Variants in PHACTR2 observed in about 807,000 individuals in gnomAD.
PHACTR2 encodes chromosome 6 open reading frame 56.
Under a neutral mutation model 76.0 loss-of-function variants are expected in PHACTR2, and 30 were observed. That is an observed-to-expected ratio of 0.39 (90% CI 0.30 to 0.54). The LOEUF (loss-of-function observed/expected upper bound fraction) is 0.54. PHACTR2 is among the 20% of genes least tolerant of loss of function. The pLI, the probability that PHACTR2 is intolerant of heterozygous loss-of-function variation, is 0.61. For missense variants in PHACTR2, 696 were observed against 781.1 expected (o/e 0.89, Z 1.30); for synonymous variants, 292 against 292.5 (o/e 1.00, Z 0.02).
intron 2 of PHACTR2, among the ~76,000 whole-genome samples, chr6:143,718,702 C>A (rs946932005): frequency 6.6e-6 from 1 of 152,080 alleles, no homozygotes; most frequent in Admixed American, 6.6e-5. Context: ...CTCTTGTAAC[C>A]ATAGAGACCT....
rs1366946126 is a variant in PHACTR2 at position 143,800,254 on chromosome 6, T to G, written c.1846-6803T>G. ...GCTTGGTAGGTCTTCCTCCATCCCTTTATTTTTTTTATTTTTTATTTTTTT... is the reference window on the plus strand; with the variant it reads ...GCTTGGTAGGTCTTCCTCCATCCCTGTATTTTTTTTATTTTTTATTTTTTT... On this transcript the variant is annotated intron_variant, in intron 11 of 12. Coordinates refer to ENST00000440869, the MANE Select transcript of PHACTR2 (RefSeq NM_001100164.2). The surrounding 1 kb of genome is among the most constrained non-coding windows in gnomAD (Gnocchi z 4.8). Among the ~76,000 whole-genome samples, 1 of 151,986 alleles carries G rather than the reference T, an allele frequency of 6.6e-6. No individual in the cohort carries two copies. The highest frequency in any genetic ancestry group is 1.5e-5 in the Non-Finnish European group (1 of 67,976).
intron 1 of PHACTR2, among the ~76,000 whole-genome samples, chr6:143,628,973 A>ATATATG (rs1776312481): frequency 3.6e-5 from 4 of 110,800 alleles, no homozygotes; most frequent in Non-Finnish European, 7.1e-5. Flanking sequence ...ATATATATAT[A>ATATATG]TATATACTGC....
chr6:143,595,582 G>T lies in PHACTR2; in HGVS notation c.217+58375G>T, dbSNP rs1775739310. ...TGTCTTGAGAAACTGATGCTCACTT[G>T]AAGTTCCATGCCATGTATTTTATTT... On this transcript the variant is annotated intron_variant, in intron 1 of 11. Coordinates refer to the PHACTR2 transcript ENST00000367584. This position sits in a 1 kb window ranked among gnomAD's most constrained non-coding sequence, Gnocchi z 4.2. Among the ~76,000 whole-genome samples the T allele has an allele frequency of 6.6e-6, 1 of 152,186 alleles. No individual in the cohort carries two copies.
intron 6 of PHACTR2, among the ~76,000 whole-genome samples, chr6:143,768,699 A>G (rs895556643): frequency 2.6e-5 from 4 of 152,204 alleles, no homozygotes; most frequent in African/African-American, 7.2e-5. Flanking sequence ...CCAAAGAGGT[A>G]AGCATCTGTT....
In PHACTR2 at chr6:143,544,785, A is replaced by T. The variant is rs542861162; in HGVS notation, c.217+7578A>T. 1.8e-4 allele frequency among the ~76,000 whole-genome samples: 28 copies of T among 152,312 alleles called. No individual in the cohort carries two copies. In the South Asian group the frequency reaches 5.2e-3, roughly 28 times the overall value. On this transcript the variant is annotated intron_variant, in intron 1 of 11. Transcript: ENST00000367584. The stretch of plus-strand genomic sequence containing the variant: ...CTGGTACACACTAGGTGCTCAGTAG[A>T]TACTTGTAGAATTAATGCATGAATT...
At chr6:143,605,444 A>G (rs573290127), upstream of PHACTR2, among the ~76,000 whole-genome samples, 1 of 152,328 alleles carries the variant, frequency 6.6e-6, no homozygotes, top group East Asian at 1.9e-4. The surrounding 1 kb of genome is among the most constrained non-coding windows in gnomAD (Gnocchi z 5.0). Flanking sequence ...GTGGGTGTGA[A>G]TTAAATCAAG....
rs146642497 is a variant in PHACTR2 at position 143,760,116 on chromosome 6, C to T, written c.455-285C>T. ...CCCAGATCCAAGGCTGGAACTGAGG[C>T]CCCTGACTGCAAACATTTACACACA... On this transcript the variant is annotated intron_variant, in intron 4 of 12. Coordinates refer to ENST00000440869, the MANE Select transcript of PHACTR2 (RefSeq NM_001100164.2). This position sits in a 1 kb window ranked among gnomAD's most constrained non-coding sequence, Gnocchi z 6.4. Among the ~76,000 whole-genome samples, 2 of 152,212 alleles carry T rather than the reference C, an allele frequency of 1.3e-5. No homozygotes were observed. The highest frequency in any genetic ancestry group is 4.8e-5 in the African/African-American group (2 of 41,464).
chr6:143,736,868 C>T (rs1163943628), intron 2 of PHACTR2, among the ~76,000 whole-genome samples: 2 of 151,654 alleles, frequency 1.3e-5, no homozygotes, highest in Admixed American at 1.3e-4. Context: ...GCCAACACGT[C>T]CGGCCTACAA....
chr6:143,753,996 C>A lies in PHACTR2; in HGVS notation c.454+84C>A. 2 of 812,154 alleles carry A rather than the reference C, an allele frequency of 2.5e-6. No individual in the cohort carries two copies. Among genetic ancestry groups the A allele is most frequent in the South Asian group, 2.8e-5 (1 of 36,148 alleles). 50.3% of individuals were successfully genotyped at this position (812,154 alleles called of 1,614,324 possible). A position where few individuals can be genotyped will look rare whatever the true frequency, so the allele number is the denominator to read the frequency against. On this transcript the variant is annotated intron_variant, in intron 4 of 12. Coordinates refer to ENST00000440869, the MANE Select transcript of PHACTR2 (RefSeq NM_001100164.2). This position sits in a 1 kb window ranked among gnomAD's most constrained non-coding sequence, Gnocchi z 4.6. ...AGCACTTAGGCTCCAACTAGTGACT[C>A]TAAAACCAGCAGTCTGCAGAGGAGA... is the stretch of plus-strand genomic sequence containing the variant.
chr6:143,784,974 G>C lies in PHACTR2; in HGVS notation c.1707+1694G>C, dbSNP rs181761808. ...TACAATTCAAGTTGAGATTTGGGTG[G>C]GGACACAGCCAAACCATATCATTCT... On this transcript the variant is annotated intron_variant, in intron 10 of 12. Transcript: ENST00000440869. The surrounding 1 kb of genome is among the most constrained non-coding windows in gnomAD (Gnocchi z 4.5). Among the ~76,000 whole-genome samples, 2 of 152,168 alleles carry C rather than the reference G, an allele frequency of 1.3e-5. No individual in the cohort carries two copies. The highest frequency in any genetic ancestry group is 2.9e-5 in the Non-Finnish European group (2 of 67,994).
chr6:143,545,613 C>T (rs1774978748), intron 1 of PHACTR2, among the ~76,000 whole-genome samples: 1 of 152,118 alleles, frequency 6.6e-6, no homozygotes, highest in Non-Finnish European at 1.5e-5. Flanking sequence ...GTAATCCACC[C>T]AAGTCCCTCA....
intron 1 of PHACTR2, among the ~76,000 whole-genome samples, chr6:143,545,531 A>G (rs897073004): frequency 7.2e-5 from 11 of 152,200 alleles, no homozygotes; most frequent in Non-Finnish European, 1.3e-4. Flanking sequence ...ATCACACTCT[A>G]TAGCAACCCT....
chr6:143,592,826 T>C lies in PHACTR2; in HGVS notation c.217+55619T>C, dbSNP rs1386381241. Among the ~76,000 whole-genome samples, 1 of 151,796 alleles carries C rather than the reference T, an allele frequency of 6.6e-6. No individual in the cohort carries two copies. The highest frequency in any genetic ancestry group is 2.4e-5 in the African/African-American group (1 of 41,302). On this transcript the variant is annotated intron_variant, in intron 1 of 11. Coordinates refer to the PHACTR2 transcript ENST00000367584. This position sits in a 1 kb window ranked among gnomAD's most constrained non-coding sequence, Gnocchi z 4.0. ...ACTTTGGGAGGCCAAGGCGAGCAGA[T>C]TACTTGAGCCTAGGAGTTTGAGACC...
In PHACTR2 at chr6:143,811,008, A is replaced by G. The variant is rs73589101; in HGVS notation, c.1922+3875A>G. Among the ~76,000 whole-genome samples, 9,398 of 152,130 alleles carry G rather than the reference A, an allele frequency of 0.062. 309 individuals carry two copies. The highest frequency in any genetic ancestry group is 0.098 in the South Asian group (472 of 4,832). ...AATGGTATTTTGTTTAAATTTTTGT[A>G]TATTCAAATCTATCTGTATTGTTAT... On this transcript the variant is annotated intron_variant, in intron 12 of 12. Transcript: ENST00000440869. This position sits in a 1 kb window ranked among gnomAD's most constrained non-coding sequence, Gnocchi z 4.1.
At position 143,801,751 on chromosome 6, in the gene PHACTR2, G is replaced by C. The variant is rs1209319846; in HGVS notation, c.1846-5306G>C. ...AGTTTTGTTCCCTTGCTGGCGAGGA[G>C]TTGTGATCCTTTGGAGGAGAAGAGG... On this transcript the variant is annotated intron_variant, in intron 11 of 12. Coordinates refer to ENST00000440869, the MANE Select transcript of PHACTR2 (RefSeq NM_001100164.2). This position sits in a 1 kb window ranked among gnomAD's most constrained non-coding sequence, Gnocchi z 4.6. Among the ~76,000 whole-genome samples the C allele has an allele frequency of 6.6e-6, 1 of 152,198 alleles. No individual in the cohort carries two copies. Among genetic ancestry groups the C allele is most frequent in the Non-Finnish European group, 1.5e-5 (1 of 68,038 alleles).
rs1775941905 is a variant in PHACTR2 at position 143,800,998 on chromosome 6, T to G, written c.1846-6059T>G. On this transcript the variant is annotated intron_variant, in intron 11 of 12. Transcript: ENST00000440869. The surrounding 1 kb of genome is among the most constrained non-coding windows in gnomAD (Gnocchi z 4.8). ...ATGAAATTTTGGGTTGAAAATTCTTTTCTTTAAGAATGTTGAATATTGACC... is the reference window on the plus strand; with the variant it reads ...ATGAAATTTTGGGTTGAAAATTCTTGTCTTTAAGAATGTTGAATATTGACC... Among the ~76,000 whole-genome samples the G allele has an allele frequency of 6.6e-6, 1 of 152,228 alleles. No individual in the cohort carries two copies. The highest frequency in any genetic ancestry group is 1.5e-5 in the Non-Finnish European group (1 of 68,054).
intron 1 of PHACTR2, among the ~76,000 whole-genome samples, chr6:143,667,549 C>T (rs1199199852): frequency 1.3e-5 from 2 of 152,062 alleles, no homozygotes; most frequent in Non-Finnish European, 2.9e-5. Context: ...CTCTTATTTC[C>T]TTGAGCAGTG....
At position 143,731,193 on chromosome 6, in the gene PHACTR2, T is replaced by TC. The variant is rs1439313021; in HGVS notation, c.215-17792_215-17791insC. On this transcript the variant is annotated intron_variant, in intron 2 of 12. Transcript: ENST00000440869. This position sits in a 1 kb window ranked among gnomAD's most constrained non-coding sequence, Gnocchi z 4.9. ...AATTGATATGGTCATTTCAGTTTTT[T>TC]TCTTTAGACCACTATTATGGTTGAT... Among the ~76,000 whole-genome samples, 49 of 152,348 alleles carry TC rather than the reference T, an allele frequency of 3.2e-4. No homozygotes were observed. The highest frequency in any genetic ancestry group is 1.1e-3 in the African/African-American group (44 of 41,580).
chr6:143,769,795 A>T (rs1775050599), intron 6 of PHACTR2, among the ~76,000 whole-genome samples: 1 of 152,186 alleles, frequency 6.6e-6, no homozygotes, highest in South Asian at 2.1e-4. Context: ...TATTTTAAAC[A>T]TTCTGTGATC....
Sources: gnomAD v4.1 joint callset for allele counts (sites outside exome capture counted in the v4.1 genomes callset) on GRCh38, gnomAD v4.1.1 for gene constraint, Gnocchi (gnomAD v3.1) non-coding constraint, MANE v1.5 for transcripts, NCBI Gene and HGNC (gene_info 2026-07-23, HGNC 2026-07-21) for gene names.